The following TSHZ2 variants were observed in gnomAD, a reference collection of about 807,000 sequenced individuals.
TSHZ2 encodes the protein teashirt homolog 2.
Under a neutral mutation model 74.4 loss-of-function variants are expected in TSHZ2, and 21 were observed. The ratio of observed to expected loss-of-function variants is 0.28; its 90% CI spans 0.20 to 0.41. TSHZ2 has a LOEUF of 0.41. Ranked by LOEUF, TSHZ2 falls within the 10% of genes least tolerant of loss-of-function variation. The pLI, the probability that TSHZ2 is intolerant of heterozygous loss-of-function variation, is 1.00. For synonymous variants in TSHZ2, 540 were observed against 515.3 expected (o/e 1.05, Z -0.65); for missense variants, 1,244 against 1,293.5 (o/e 0.96, Z 0.59).
chr20:53,343,691 A>G (rs1162734348), intron 2 of TSHZ2, among the ~76,000 whole-genome samples: 3 of 152,162 alleles, frequency 2.0e-5, no homozygotes, highest in African/African-American at 7.2e-5. Flanking sequence ...GAAGCTTTGT[A>G]CCCATGGAGT....
intron 2 of TSHZ2, among the ~76,000 whole-genome samples, chr20:53,264,928 G>C (rs1990680753): frequency 6.6e-6 from 1 of 152,204 alleles, no homozygotes; most frequent in South Asian, 2.1e-4. Context: ...CTCATTGGGA[G>C]AATCTGTTTA....
At chr20:53,413,280 C>T in intron 2 of TSHZ2, among the ~76,000 whole-genome samples, 1 of 152,206 alleles carries the variant, frequency 6.6e-6, no homozygotes, top group Middle Eastern at 3.2e-3. Flanking sequence ...GGAGGGATTT[C>T]ACTTTCAGTC....
At chr20:52,997,611 C>G (rs1340109943) in intron 1 of TSHZ2, among the ~76,000 whole-genome samples, 4 of 152,146 alleles carry the variant, frequency 2.6e-5, no homozygotes, top group Admixed American at 2.6e-4. Context: ...TCTCCCCAGC[C>G]CTACCCTCTA....
chr20:53,131,557 G>A lies in TSHZ2; in HGVS notation c.41-121942G>A, dbSNP rs73270613. 8.0e-3 allele frequency among the ~76,000 whole-genome samples: 1,216 copies of A among 152,284 alleles called. 20 individuals carry two copies. Among genetic ancestry groups the A allele is most frequent in the African/African-American group, 0.028 (1,171 of 41,552 alleles). ...TCAGTTTTGAACATCAGGGAGAAAC[G>A]AGTGGCCCCACTCCACGCCTCCTGC... On this transcript the variant is annotated intron_variant, in intron 1 of 2. Transcript: ENST00000371497.
intron 1 of TSHZ2, among the ~76,000 whole-genome samples, chr20:53,064,288 G>A (rs375028272): frequency 1.1e-4 from 17 of 152,216 alleles, no homozygotes; most frequent in South Asian, 2.1e-4. Flanking sequence ...CACACCTGCC[G>A]CCAGAACCCG....
At chr20:53,249,746 G>A (rs550545088) in intron 1 of TSHZ2, among the ~76,000 whole-genome samples, 3 of 152,342 alleles carry the variant, frequency 2.0e-5, no homozygotes, top group Admixed American at 1.3e-4. Flanking sequence ...TGAGAGAGGG[G>A]CAGGGAGGTT....
chr20:53,110,807 G>A (rs1482113220), intron 1 of TSHZ2, among the ~76,000 whole-genome samples: 5 of 152,000 alleles, frequency 3.3e-5, no homozygotes, highest in Admixed American at 1.3e-4. Context: ...GTGGGTTGGC[G>A]GTGCCACCGA....
chr20:53,373,077 ACTTGTT>A (rs1273235961), intron 2 of TSHZ2, among the ~76,000 whole-genome samples: 5 of 152,158 alleles, frequency 3.3e-5, no homozygotes, highest in Non-Finnish European at 5.9e-5. Flanking sequence ...CAAATCCTAA[ACTTGTT>A]CTTGTGAGAA....
chr20:53,423,333 G>A (rs1396368801), intron 2 of TSHZ2, among the ~76,000 whole-genome samples: 2 of 152,078 alleles, frequency 1.3e-5, no homozygotes, highest in African/African-American at 2.4e-5. Context: ...GTAGTGAGCT[G>A]AGATCATGCC....
chr20:53,241,295 A>G (rs1243002614), intron 1 of TSHZ2, among the ~76,000 whole-genome samples: 1 of 152,174 alleles, frequency 6.6e-6, no homozygotes, highest in Non-Finnish European at 1.5e-5. Flanking sequence ...GCTTCATGTA[A>G]CTATGTGTTG....
At position 53,203,176 on chromosome 20, in the gene TSHZ2, T is replaced by A. The variant is rs189521758; in HGVS notation, c.41-50323T>A. Reference sequence around the variant, plus strand: ...CACAGGTGCAAGGCAGAGAACTGGGTCTGAGCAGACTCAAATTTTTTTTTT... The same window carrying A: ...CACAGGTGCAAGGCAGAGAACTGGGACTGAGCAGACTCAAATTTTTTTTTT... On this transcript the variant is annotated intron_variant, in intron 1 of 2. Coordinates refer to ENST00000371497, the MANE Select transcript of TSHZ2 (RefSeq NM_173485.6). Among the ~76,000 whole-genome samples the A allele has an allele frequency of 2.9e-3, 440 of 151,250 alleles. 1 individual carries two copies. Among genetic ancestry groups the A allele is most frequent in the Admixed American group, 4.9e-3 (74 of 15,178 alleles).
At chr20:52,981,350 A>G (rs902470215) in intron 1 of TSHZ2, among the ~76,000 whole-genome samples, 4 of 152,218 alleles carry the variant, frequency 2.6e-5, no homozygotes, top group African/African-American at 9.7e-5. Context: ...TCGGCCGCGT[A>G]AACTTGGGCA....
At chr20:53,270,732 G>A (rs574856606) in intron 2 of TSHZ2, among the ~76,000 whole-genome samples, 6 of 152,144 alleles carry the variant, frequency 3.9e-5, no homozygotes, top group African/African-American at 7.2e-5. Context: ...TCTACCACTC[G>A]GGGCCTTCAG....
At chr20:53,434,774 T>C in intron 2 of TSHZ2, among the ~76,000 whole-genome samples, 1 of 152,370 alleles carries the variant, frequency 6.6e-6, no homozygotes, top group Non-Finnish European at 1.5e-5. Context: ...CAGGGTCTGC[T>C]GACAGTCCTG....
rs1464380989 is a variant in TSHZ2, at chr20:53,478,299, T to C, written c.*9-8845T>C. Among the ~76,000 whole-genome samples, 9 of 151,458 alleles carry C rather than the reference T, an allele frequency of 5.9e-5. No homozygotes were observed. The South Asian group carries it at 1.9e-3, about 32-fold the overall frequency. The stretch of plus-strand genomic sequence containing the variant: ...AATGATAGACTGGATTAAGAAAATG[T>C]GGCACATATACACCATGGAATACTA... On this transcript the variant is annotated intron_variant, in intron 2 of 2. Transcript: ENST00000371497.
At chr20:53,190,127 A>ATT (rs1568803475) in intron 1 of TSHZ2, among the ~76,000 whole-genome samples, 5 of 90,640 alleles carry the variant, frequency 5.5e-5, no homozygotes, top group African/African-American at 2.5e-4. Context: ...ATATATATAT[A>ATT]TATATATATA....
At chr20:53,416,760 TAAC>T (rs1405851980) in intron 2 of TSHZ2, among the ~76,000 whole-genome samples, 1 of 152,228 alleles carries the variant, frequency 6.6e-6, no homozygotes, top group East Asian at 1.9e-4. Flanking sequence ...ATGCAAATCA[TAAC>T]AACAGGACTT....
intron 1 of TSHZ2, among the ~76,000 whole-genome samples, chr20:53,154,452 A>G (rs1987746488): frequency 6.6e-6 from 1 of 152,242 alleles, no homozygotes; most frequent in African/African-American, 2.4e-5. Flanking sequence ...ACTTCCTGGC[A>G]TAGCAAGAAC....
chr20:53,430,220 T>A (rs1470511513), intron 2 of TSHZ2, among the ~76,000 whole-genome samples: 2 of 152,078 alleles, frequency 1.3e-5, no homozygotes, highest in Non-Finnish European at 2.9e-5. Flanking sequence ...TTCTCCTGCC[T>A]CAGCCTCCCG....
Sources: allele counts gnomAD v4.1 joint callset (sites outside exome capture counted in the v4.1 genomes callset), GRCh38; gene constraint gnomAD v4.1.1; transcripts MANE v1.5; gene names NCBI Gene and HGNC (gene_info 2026-07-23, HGNC 2026-07-21).